Variants in EPM2A observed in about 807,000 individuals in gnomAD.
EPM2A encodes laforin.
A neutral mutation model predicts 26.5 loss-of-function variants in EPM2A; 21 were observed. That is an observed-to-expected ratio of 0.79 (90% CI 0.56 to 1.14). The LOEUF (loss-of-function observed/expected upper bound fraction) is 1.14, where lower values mean the gene tolerates loss of function less well. Ranked by LOEUF, EPM2A falls within the 50% of genes most tolerant of loss-of-function variation. The pLI is 0.00. For synonymous variants in EPM2A, 217 were observed against 177.6 expected (o/e 1.22, Z -1.76); for missense variants, 458 against 440.8 (o/e 1.04, Z -0.35).
chr6:145,724,971 G>GA (rs1309052552), intron 1 of EPM2A, among the ~76,000 whole-genome samples: 9 of 150,408 alleles, frequency 6.0e-5, no homozygotes, highest in Non-Finnish European at 4.4e-5. Context: ...ATCCATGAAA[G>GA]AAAAAAAAAG....
chr6:145,675,412 C>T (rs996857421), intron 2 of EPM2A, among the ~76,000 whole-genome samples: 4 of 152,270 alleles, frequency 2.6e-5, no homozygotes, highest in African/African-American at 9.6e-5. Flanking sequence ...ATCATAATGA[C>T]AGGATCAAAT....
intron 4 of EPM2A, among the ~76,000 whole-genome samples, chr6:145,404,298 T>C (rs1223210185): frequency 6.6e-6 from 1 of 152,128 alleles, no homozygotes; most frequent in Non-Finnish European, 1.5e-5. Context: ...ACACCCAAGT[T>C]TTTTATCCCA....
At chr6:145,466,402 T>A (rs1417225859) in intron 4 of EPM2A, among the ~76,000 whole-genome samples, 1 of 152,204 alleles carries the variant, frequency 6.6e-6, no homozygotes, top group African/African-American at 2.4e-5. Flanking sequence ...ATGCTCATCA[T>A]CACTGGCCAT....
intron 4 of EPM2A, chr6:145,490,063 G>C (rs569063255): frequency 1.6e-6 from 2 of 1,288,910 alleles, no homozygotes; most frequent in African/African-American, 3.0e-5. Context: ...AATCCACCTG[G>C]ACCTGAAGCA....
At chr6:145,485,256 A>G (rs1346447474) in intron 4 of EPM2A, among the ~76,000 whole-genome samples, 1 of 152,078 alleles carries the variant, frequency 6.6e-6, no homozygotes, top group African/African-American at 2.4e-5. Context: ...GAGTAGTGTC[A>G]TGGAAAATCA....
At chr6:145,732,025 G>A (rs1441876906) in intron 1 of EPM2A, among the ~76,000 whole-genome samples, 1 of 152,126 alleles carries the variant, frequency 6.6e-6, no homozygotes, top group Non-Finnish European at 1.5e-5. Flanking sequence ...GCCAAATAAA[G>A]ACATTTTAGG....
intron 1 of EPM2A, among the ~76,000 whole-genome samples, chr6:145,728,135 A>G (rs1776304161): frequency 6.6e-6 from 1 of 152,176 alleles, no homozygotes; most frequent in Non-Finnish European, 1.5e-5. Flanking sequence ...GGAGAATCAT[A>G]AGTCAATTAA....
intron 2 of EPM2A, among the ~76,000 whole-genome samples, chr6:145,519,198 T>C (rs980952861): frequency 6.6e-6 from 1 of 152,212 alleles, no homozygotes; most frequent in African/African-American, 2.4e-5. Flanking sequence ...GAGAAATATC[T>C]TGATAGTTGA....
intron 2 of EPM2A, among the ~76,000 whole-genome samples, chr6:145,511,933 T>C (rs371089095): frequency 6.8e-4 from 104 of 152,250 alleles, no homozygotes; most frequent in African/African-American, 2.4e-3. Flanking sequence ...ACAAAATAAA[T>C]GTGTAAAATC....
chr6:145,708,021 G>A (rs1437515468), intron 1 of EPM2A, among the ~76,000 whole-genome samples: 1 of 152,170 alleles, frequency 6.6e-6, no homozygotes, highest in African/African-American at 2.4e-5. Flanking sequence ...ATGGAGATGA[G>A]GAACTTCTTG....
intron 1 of EPM2A, among the ~76,000 whole-genome samples, chr6:145,714,050 T>C (rs750297412): frequency 6.6e-6 from 1 of 152,328 alleles, no homozygotes; most frequent in East Asian, 1.9e-4. Context: ...AGACAGAAAG[T>C]GCATTCGTGT....
chr6:145,429,844 A>C (rs1294411963), intron 4 of EPM2A, among the ~76,000 whole-genome samples: 4 of 152,218 alleles, frequency 2.6e-5, no homozygotes, highest in African/African-American at 9.7e-5. Context: ...GATGAAAATC[A>C]AATTCCCTTA....
chr6:145,718,772 A>G (rs1775785265), intron 1 of EPM2A, among the ~76,000 whole-genome samples: 2 of 152,230 alleles, frequency 1.3e-5, no homozygotes, highest in Admixed American at 1.3e-4. Context: ...ACAAATTTAC[A>G]CACAAAAAAC....
chr6:145,679,371 C>A (rs1780326864), intron 2 of EPM2A, among the ~76,000 whole-genome samples: 1 of 151,228 alleles, frequency 6.6e-6, no homozygotes, highest in Non-Finnish European at 1.5e-5. Context: ...AACAAACCTG[C>A]ATGTTGTGAA....
intron 2 of EPM2A, among the ~76,000 whole-genome samples, chr6:145,617,807 T>C (rs1461721829): frequency 6.6e-6 from 1 of 152,054 alleles, no homozygotes; most frequent in Non-Finnish European, 1.5e-5. Context: ...CCTAGTATGA[T>C]GGCAAACACC....
At position 145,627,627 on chromosome 6, in the gene EPM2A, A is replaced by C. The variant is rs150609514; in HGVS notation, c.785T>G (p.Val262Gly). The change falls in exon 4 of 4, where the codon GTG (valine) becomes GGG (glycine). Residue 262 changes from valine (V) to glycine (G), a missense_variant. By Grantham distance (109) the Val-to-Gly change is moderately radical. Coordinates refer to ENST00000367519, the MANE Select transcript of EPM2A (RefSeq NM_005670.4). The part of the protein sequence containing the change: ...LHALLEKGHI[V>G]YVHCNAGVGR... Reference sequence around the variant, plus strand: ...CACCCCAGCGTTGCAGTGCACGTACACGATGTGTCCCTTCTCCAGCAGCGC... The same window carrying C: ...CACCCCAGCGTTGCAGTGCACGTACCCGATGTGTCCCTTCTCCAGCAGCGC... The C allele has an allele frequency of 3.3e-5, 53 of 1,614,078 alleles. No homozygotes were observed. Among genetic ancestry groups the C allele is most frequent in the Non-Finnish European group, 8.5e-7 (1 of 1,180,026 alleles).
chr6:145,477,822 T>C (rs1779561482), intron 4 of EPM2A, among the ~76,000 whole-genome samples: 1 of 151,828 alleles, frequency 6.6e-6, no homozygotes, highest in Non-Finnish European at 1.5e-5. Flanking sequence ...ACAGCTAATA[T>C]TATACTGAAT....
At chr6:145,466,502 G>A (rs9800828) in intron 4 of EPM2A, among the ~76,000 whole-genome samples, 97,777 of 151,488 alleles carry the variant, frequency 0.65, 32,130 homozygotes, top group East Asian at 0.82. Flanking sequence ...AACAGGTGCT[G>A]GAGAGGATGT....
chr6:145,701,924 G>A (rs755214106), intron 1 of EPM2A, among the ~76,000 whole-genome samples: 5 of 152,162 alleles, frequency 3.3e-5, no homozygotes, highest in Non-Finnish European at 7.4e-5. Flanking sequence ...CAAAAAAAGC[G>A]AGCAAGAAAG....
Sources: gnomAD v4.1 joint callset for allele counts (sites outside exome capture counted in the v4.1 genomes callset) on GRCh38, gnomAD v4.1.1 for gene constraint, MANE v1.5 for transcripts, NCBI Gene and HGNC (gene_info 2026-07-23, HGNC 2026-07-21) for gene names.